The following PPM1L variants were observed in gnomAD, a reference collection of about 807,000 sequenced individuals.
The protein encoded by PPM1L is protein phosphatase, Mg2+/Mn2+ dependent 1L.
A neutral mutation model predicts 31.4 loss-of-function variants in PPM1L; 13 were observed. The observed-to-expected ratio is 0.41, with a 90% CI of 0.27 to 0.66. The LOEUF (loss-of-function observed/expected upper bound fraction) is 0.66, where lower values mean the gene tolerates loss of function less well. Ranked by LOEUF, PPM1L falls within the 30% of genes least tolerant of loss-of-function variation. The probability of loss-of-function intolerance (pLI) is 0.29; values close to 1 mark genes in which losing one functional copy is unlikely to be tolerated. For missense variants in PPM1L, 326 were observed against 453.7 expected (o/e 0.72, Z 2.56); for synonymous variants, 184 against 175.4 (o/e 1.05, Z -0.39).
At chr3:161,041,508 T>G (rs1037610867) in intron 2 of PPM1L, among the ~76,000 whole-genome samples, 1 of 152,202 alleles carries the variant, frequency 6.6e-6, no homozygotes, top group African/African-American at 2.4e-5. Context: ...TTTTTCACTT[T>G]GGGAGGCCAA....
intron 1 of PPM1L, among the ~76,000 whole-genome samples, chr3:160,884,661 A>G (rs1712846368): frequency 1.3e-5 from 2 of 151,126 alleles, no homozygotes; most frequent in South Asian, 2.1e-4. Context: ...AGGTGCTAGT[A>G]CACATATTTT....
chr3:160,846,750 A>G (rs1714089876), intron 1 of PPM1L, among the ~76,000 whole-genome samples: 1 of 152,170 alleles, frequency 6.6e-6, no homozygotes, highest in Non-Finnish European at 1.5e-5. Flanking sequence ...AGCATACCAT[A>G]AACTTCACCT....
Position 161,069,230 on chromosome 3 carries a change from G to C in PPM1L, c.*73G>C. On this transcript the variant is annotated 3_prime_UTR_variant, in exon 4 of 4. Transcript: ENST00000498165. ...CTGGTCTCTTTTAATTTAGTGAAAA[G>C]TGTGGGAGTTGTAATTAGGATCATC... 8.6e-7 allele frequency: 1 copy of C among 1,168,210 alleles called. No individual in the cohort carries two copies. Among genetic ancestry groups the C allele is most frequent in the Admixed American group, 2.6e-5 (1 of 38,452 alleles). 72.4% of individuals were successfully genotyped at this position (1,168,210 alleles called of 1,614,324 possible). A position where few individuals can be genotyped will look rare whatever the true frequency, so the allele number is the denominator to read the frequency against.
chr3:160,797,923 T>G (rs1281817106), intron 1 of PPM1L, among the ~76,000 whole-genome samples: 2 of 152,192 alleles, frequency 1.3e-5, no homozygotes, highest in Non-Finnish European at 2.9e-5. Flanking sequence ...CTCACGCCTG[T>G]AATCCCAGCA....
chr3:160,808,313 GTGTGTGTGCGTGCA>G (rs1230952380), intron 1 of PPM1L, among the ~76,000 whole-genome samples: 12 of 148,212 alleles, frequency 8.1e-5, no homozygotes, highest in South Asian at 4.2e-4. Context: ...GTGTGTGTGT[GTGTGTGTGCGTGCA>G]TGTGTGGTGG....
At chr3:160,942,370 C>A (rs774099083) in intron 1 of PPM1L, among the ~76,000 whole-genome samples, 1 of 152,096 alleles carries the variant, frequency 6.6e-6, no homozygotes, top group Non-Finnish European at 1.5e-5. Context: ...GCTGAAATTA[C>A]GGATGTGAGC....
At chr3:160,945,778 C>T (rs1715388169) in intron 1 of PPM1L, among the ~76,000 whole-genome samples, 1 of 152,122 alleles carries the variant, frequency 6.6e-6, no homozygotes, top group South Asian at 2.1e-4. Context: ...TTTTTCTCCT[C>T]CTCCTCAGCC....
intron 2 of PPM1L, among the ~76,000 whole-genome samples, chr3:160,979,667 A>G (rs1350583847): frequency 6.6e-6 from 1 of 152,070 alleles, no homozygotes; most frequent in Non-Finnish European, 1.5e-5. Context: ...TTGAGGAAGG[A>G]GACTTACTTT....
chr3:160,978,106 G>T (rs557614788), intron 2 of PPM1L, among the ~76,000 whole-genome samples: 1 of 152,308 alleles, frequency 6.6e-6, no homozygotes, highest in South Asian at 2.1e-4. Flanking sequence ...GACACTTATG[G>T]AGTTGGGCTC....
At chr3:160,841,512 A>G (rs1055700725) in intron 1 of PPM1L, among the ~76,000 whole-genome samples, 1 of 152,198 alleles carries the variant, frequency 6.6e-6, no homozygotes, top group Non-Finnish European at 1.5e-5. Context: ...TGTAATGACA[A>G]CATTAGGAGG....
chr3:160,787,698 C>G (rs115748858), intron 1 of PPM1L, among the ~76,000 whole-genome samples: 5,090 of 152,114 alleles, frequency 0.033, 111 homozygotes, highest in South Asian at 0.052. Flanking sequence ...AATGGTATTT[C>G]CTAGGTTTTA....
chr3:160,770,088 TACTG>T (rs1715211661), intron 1 of PPM1L, among the ~76,000 whole-genome samples: 1 of 152,250 alleles, frequency 6.6e-6, no homozygotes. Flanking sequence ...TAAAAATGCT[TACTG>T]ACTCAACTTC....
At chr3:160,979,996 C>G (rs2108033282) in intron 2 of PPM1L, among the ~76,000 whole-genome samples, 1 of 152,160 alleles carries the variant, frequency 6.6e-6, no homozygotes, top group East Asian at 1.9e-4. Flanking sequence ...ACCAGGGCTT[C>G]TACCATAGGT....
chr3:160,928,368 G>A (rs1484474056), intron 1 of PPM1L, among the ~76,000 whole-genome samples: 2 of 152,164 alleles, frequency 1.3e-5, no homozygotes, highest in Non-Finnish European at 2.9e-5. Context: ...TCTGAACACA[G>A]TGATTGGCTC....
chr3:160,880,498 T>C (rs1712674622), intron 1 of PPM1L, among the ~76,000 whole-genome samples: 1 of 152,122 alleles, frequency 6.6e-6, no homozygotes, highest in Admixed American at 6.5e-5. Flanking sequence ...CAGGTGAGGC[T>C]TTGTCATAAT....
chr3:160,950,407 A>C (rs1351017611), intron 1 of PPM1L, among the ~76,000 whole-genome samples: 1 of 152,202 alleles, frequency 6.6e-6, no homozygotes, highest in African/African-American at 2.4e-5. Context: ...CATCACGCTA[A>C]ATAAGGCAGT....
intron 1 of PPM1L, among the ~76,000 whole-genome samples, chr3:160,927,634 G>A (rs761854703): frequency 6.6e-5 from 10 of 152,062 alleles, no homozygotes; most frequent in South Asian, 2.1e-4. Flanking sequence ...GTGTGCGTGC[G>A]TGTGCGTGCG....
chr3:160,824,170 G>C (rs1251750835), intron 1 of PPM1L, among the ~76,000 whole-genome samples: 1 of 152,056 alleles, frequency 6.6e-6, no homozygotes, highest in African/African-American at 2.4e-5. Context: ...AATGGGATTA[G>C]TGTGCCCTTC....
At chr3:160,815,892 A>T (rs1016402594) in intron 1 of PPM1L, among the ~76,000 whole-genome samples, 4 of 152,154 alleles carry the variant, frequency 2.6e-5, no homozygotes, top group Admixed American at 6.5e-5. Context: ...AAAGGTTATA[A>T]ATGTTTTGAG....
Sources: gnomAD v4.1 joint callset for allele counts (sites outside exome capture counted in the v4.1 genomes callset) on GRCh38, gnomAD v4.1.1 for gene constraint, MANE v1.5 for transcripts, NCBI Gene and HGNC (gene_info 2026-07-23, HGNC 2026-07-21) for gene names.